Variants in TTC7A observed in about 807,000 individuals in gnomAD.
TTC7A encodes tetratricopeptide repeat domain 7A.
In TTC7A, 110 loss-of-function variants were observed where a neutral mutation model predicts 103.7. The observed-to-expected ratio is 1.06, with a 90% CI of 0.91 to 1.24. TTC7A has a LOEUF of 1.24. Ranked by LOEUF, TTC7A falls within the 50% of genes most tolerant of loss-of-function variation. TTC7A has a pLI of 0.00. For synonymous variants in TTC7A, 521 were observed against 467.9 expected, an observed-to-expected ratio of 1.11 and a Z score of -1.47; for missense variants, 1,340 against 1,116.3, an observed-to-expected ratio of 1.20 and a Z score of -2.86.
intron 15 of TTC7A, among the ~76,000 whole-genome samples, chr2:47,032,433 G>A (rs1055596498): frequency 6.6e-6 from 1 of 152,226 alleles, no homozygotes; most frequent in African/African-American, 2.4e-5. Context: ...TCTGCCGTGG[G>A]AACAACTCAC....
At chr2:47,043,940 GA>G (rs1269144388) in intron 15 of TTC7A, among the ~76,000 whole-genome samples, 1 of 152,216 alleles carries the variant, frequency 6.6e-6, no homozygotes, top group Non-Finnish European at 1.5e-5. Flanking sequence ...CAAAGATGAA[GA>G]AAATGAGAAG....
At chr2:47,022,519 C>A (rs1679402208) in intron 12 of TTC7A, among the ~76,000 whole-genome samples, 1 of 152,216 alleles carries the variant, frequency 6.6e-6, no homozygotes. Context: ...CTCTTGCCAA[C>A]CCTGCCAGCT....
chr2:46,996,506 C>G (rs1676200927), intron 8 of TTC7A, among the ~76,000 whole-genome samples: 1 of 152,202 alleles, frequency 6.6e-6, no homozygotes, highest in Admixed American at 6.5e-5. Context: ...CAGATTGCCT[C>G]TGGTGCCTCA....
chr2:46,975,006 C>T lies in TTC7A; in HGVS notation c.551C>T (p.Ala184Val). The T allele has an allele frequency of 2.5e-6, 4 of 1,614,054 alleles. No individual in the cohort carries two copies. Among genetic ancestry groups the T allele is most frequent in the Non-Finnish European group, 3.4e-6 (4 of 1,179,942 alleles). Residue 184 changes from alanine (A) to valine (V), a missense_variant, in exon 4 of 20, where the codon GCC (alanine) becomes GTC (valine). Ala to Val is a moderately conservative substitution (Grantham distance 64). Coordinates refer to ENST00000319190, the MANE Select transcript of TTC7A (RefSeq NM_020458.4). ...CTGGAACGCCTACCCAACTCCATCG[C>T]CTCCCGCTTCCGCCTGACAGAGAGG... is the stretch of plus-strand genomic sequence containing the variant. ...LSLERLPNSI[A>V]SRFRLTEREE...
chr2:46,961,490 T>C (rs1672362279), intron 3 of TTC7A, among the ~76,000 whole-genome samples: 1 of 151,524 alleles, frequency 6.6e-6, no homozygotes, highest in African/African-American at 2.4e-5. Context: ...GGCAGGAGAA[T>C]GGCATGAACC....
intron 11 of TTC7A, among the ~76,000 whole-genome samples, chr2:47,020,969 A>G (rs1456771658): frequency 6.6e-6 from 1 of 152,138 alleles, no homozygotes; most frequent in Non-Finnish European, 1.5e-5. Flanking sequence ...TCTGACCAGG[A>G]GAAATGCCCA....
chr2:46,949,766 C>T (rs914112563), intron 1 of TTC7A, among the ~76,000 whole-genome samples: 3 of 152,150 alleles, frequency 2.0e-5, no homozygotes, highest in Non-Finnish European at 4.4e-5. Flanking sequence ...TGGCTGATGC[C>T]TGTAATCCCA....
intron 19 of TTC7A, among the ~76,000 whole-genome samples, chr2:47,072,260 T>G (rs1684802947): frequency 6.6e-6 from 1 of 152,134 alleles, no homozygotes; most frequent in South Asian, 2.1e-4. Flanking sequence ...TGTCCTCCCC[T>G]GGCCTCTGCA....
Position 47,051,833 on chromosome 2 carries a change from G to A in TTC7A, c.2105G>A (p.Gly702Asp), listed in dbSNP as rs780527277. The change falls in exon 18 of 20, where the codon GGC becomes GAC. Residue 702 changes from glycine (G) to aspartate (D), a missense_variant. Physicochemically the swap from Gly to Asp is moderately conservative, Grantham distance 94. Transcript: ENST00000319190. ...LTMPSSVLKQ[G>D]PMQLWTTLEQ... ...ATGCCCTCTTCGGTCCTGAAGCAGG[G>A]CCCCATGCAGCTGTGGACCACGCTG... is the stretch of plus-strand genomic sequence containing the variant. 3 of 1,612,062 alleles carry A rather than the reference G, an allele frequency of 1.9e-6. No homozygotes were observed. The African/African-American group carries it at 4.0e-5, about 22-fold the overall frequency.
In TTC7A at chr2:47,054,113, C is replaced by T. The variant is rs1020230394; in HGVS notation, c.2152+2233C>T. On this transcript the variant is annotated intron_variant, in intron 18 of 19. Coordinates refer to ENST00000319190, the MANE Select transcript of TTC7A (RefSeq NM_020458.4). ...GATATTCACTCCACAGAAGAGAACT[C>T]CGAGAACAGCATCTGAATGCTTTGA... The T allele has an allele frequency of 8.1e-6, 8 of 985,314 alleles. No individual in the cohort carries two copies. In the African/African-American group the frequency reaches 1.4e-4, roughly 17 times the overall value. The allele number at this position is 985,314 out of a possible 1,614,324, so 61.0% of individuals were successfully genotyped here. A position where few individuals can be genotyped will look rare whatever the true frequency, so the allele number is the denominator to read the frequency against.
chr2:46,924,247 AAT>A (rs1388551790), intron 2 of TTC7A, among the ~76,000 whole-genome samples: 1 of 151,796 alleles, frequency 6.6e-6, no homozygotes, highest in African/African-American at 2.4e-5. Context: ...AAAAAAAAAA[AAT>A]CTCAAAGTCC....
chr2:47,038,652 A>ACC (rs528712679), intron 15 of TTC7A, among the ~76,000 whole-genome samples: 1 of 40,956 alleles, frequency 2.4e-5, no homozygotes, highest in Non-Finnish European at 4.2e-5. Flanking sequence ...CCCCCCACCC[A>ACC]CCCCCCCGAC....
intron 1 of TTC7A, among the ~76,000 whole-genome samples, chr2:46,916,795 C>T (rs1320853559): frequency 1.3e-5 from 2 of 152,006 alleles, no homozygotes; most frequent in African/African-American, 2.4e-5. Context: ...CCACCTTGCC[C>T]GGCTAATTTT....
In TTC7A at chr2:46,941,732, A is replaced by C. The variant is rs573720504; in HGVS notation, c.184+7A>C. 5.2e-6 allele frequency: 8 copies of C among 1,549,424 alleles called. No homozygotes were observed. In the East Asian group the frequency reaches 1.7e-4, roughly 33 times the overall value. On this transcript the variant is annotated splice_region_variant and intron_variant, in intron 1 of 19. Transcript: ENST00000319190. This position sits in a 1 kb window ranked among gnomAD's most constrained non-coding sequence, Gnocchi z 4.2. ...TTCACCTTTCCGGACACCGGTGAGT[A>C]AGGGAAGAGGCTGGCTCGCCGGCAG...
intron 19 of TTC7A, chr2:47,068,253 CTGGG>C (rs1332845070): frequency 6.6e-6 from 1 of 152,180 alleles, no homozygotes; most frequent in African/African-American, 2.4e-5. Flanking sequence ...TGCCCTGACA[CTGGG>C]TGGGGCTCAG....
In TTC7A at chr2:46,944,383, T is replaced by TG. The variant is rs529836947; in HGVS notation, c.184+2658_184+2659insG. On this transcript the variant is annotated intron_variant, in intron 1 of 19. Transcript: ENST00000319190. ...AACTCTGGTATTTTGGGTTTTTTTTTTTTTTTTTTTTTTTGAGACAAGAAC... is the reference window on the plus strand; with the variant it reads ...AACTCTGGTATTTTGGGTTTTTTTTTGTTTTTTTTTTTTTTGAGACAAGAAC... 3.8e-3 allele frequency among the ~76,000 whole-genome samples: 556 copies of TG among 146,836 alleles called. 10 individuals are homozygous for TG. The highest frequency in any genetic ancestry group is 0.013 in the African/African-American group (532 of 39,620).
intron 3 of TTC7A, chr2:46,958,378 C>T (rs1672072373): frequency 1.3e-6 from 1 of 746,062 alleles, no homozygotes; most frequent in Admixed American, 2.3e-5. Context: ...TTAGAAACCC[C>T]TTCAGCCATG....
rs2103887947 is a variant in TTC7A, at chr2:46,941,622, C to T, written c.81C>T (p.Asp27=). 1 of 1,555,946 alleles carries T rather than the reference C, an allele frequency of 6.4e-7. No individual in the cohort carries two copies. The highest frequency in any genetic ancestry group is 8.7e-7 in the Non-Finnish European group (1 of 1,150,312). ...LERCRAEGHW[D]RMPELVRQLQ... ...GCTGCCGCGCCGAGGGCCACTGGGA[C>T]CGCATGCCGGAGCTGGTCCGGCAGC... is the stretch of plus-strand genomic sequence containing the variant. The change falls in exon 1 of 20, where the codon GAC becomes GAT. Residue 27 remains aspartate (D), a synonymous_variant. Coordinates refer to ENST00000319190, the MANE Select transcript of TTC7A (RefSeq NM_020458.4). This position sits in a 1 kb window ranked among gnomAD's most constrained non-coding sequence, Gnocchi z 4.2.
Position 46,941,460 on chromosome 2 carries a change from C to T in TTC7A, c.-82C>T. Reference sequence around the variant, plus strand: ...TCTGCGCCCCCGTCGACCCCGCCCGCGAGTGCGCCCCAGCCAGGACGCCGC... The same window carrying T: ...TCTGCGCCCCCGTCGACCCCGCCCGTGAGTGCGCCCCAGCCAGGACGCCGC... On this transcript the variant is annotated 5_prime_UTR_variant, in exon 1 of 20. Transcript: ENST00000319190. The surrounding 1 kb of genome is among the most constrained non-coding windows in gnomAD (Gnocchi z 4.2). 7.0e-7 allele frequency: 1 copy of T among 1,432,066 alleles called. No homozygotes were observed. The highest frequency in any genetic ancestry group is 9.3e-7 in the Non-Finnish European group (1 of 1,080,552). The allele number at this position is 1,432,066 out of a possible 1,614,324, so 88.7% of individuals were successfully genotyped here.
Sources: gnomAD v4.1 joint callset for allele counts (sites outside exome capture counted in the v4.1 genomes callset) on GRCh38, gnomAD v4.1.1 for gene constraint, Gnocchi (gnomAD v3.1) non-coding constraint, MANE v1.5 for transcripts, NCBI Gene and HGNC (gene_info 2026-07-23, HGNC 2026-07-21) for gene names.